The following TOM1L1 variants were observed in gnomAD, a reference collection of about 807,000 sequenced individuals.
The protein encoded by TOM1L1 is TOM1-like protein 1.
Under a neutral mutation model 63.4 loss-of-function variants are expected in TOM1L1, and 64 were observed. The ratio of observed to expected loss-of-function variants is 1.01; its 90% CI spans 0.83 to 1.24. The LOEUF is 1.24. Ranked by LOEUF, TOM1L1 falls within the 50% of genes most tolerant of loss-of-function variation. TOM1L1 has a pLI of 0.00. For synonymous variants in TOM1L1, 166 were observed against 194.4 expected (o/e 0.85, Z 1.22); for missense variants, 536 against 567.0 (o/e 0.95, Z 0.55).
chr17:54,961,162 C>A, intron 15 of TOM1L1, 73 bp from the exon 16 acceptor site: 1 of 1,064,924 alleles, frequency 9.4e-7, no homozygotes, highest in East Asian at 2.6e-5. Flanking sequence ...CCAGTAAAGA[C>A]AAGAGAGTTA....
chr17:54,945,407 G>C (rs1177177908), intron 11 of TOM1L1, among the ~76,000 whole-genome samples: 2 of 152,180 alleles, frequency 1.3e-5, no homozygotes, highest in East Asian at 3.8e-4. Flanking sequence ...GTGGTTTGTG[G>C]CTTTATGTCT....
chr17:54,914,610 A>G (rs2048556210), intron 5 of TOM1L1, 29 bp from the exon 6 acceptor site: 1 of 1,565,298 alleles, frequency 6.4e-7, no homozygotes. Flanking sequence ...TAATTCACAT[A>G]ATAATATTAC....
intron 14 of TOM1L1, chr17:54,958,352 AGT>A (rs556517857): frequency 1.3e-5 from 2 of 152,380 alleles, no homozygotes; most frequent in African/African-American, 4.8e-5. Context: ...CCCAAATTTC[AGT>A]GCATTTGAAA....
At chr17:54,908,815 A>G (rs1296778829) in intron 3 of TOM1L1, among the ~76,000 whole-genome samples, 1 of 152,252 alleles carries the variant, frequency 6.6e-6, no homozygotes, top group African/African-American at 2.4e-5. Context: ...GTGGTCGAAC[A>G]GGTTCCTGAG....
chr17:54,936,409 T>A (rs896344600), intron 8 of TOM1L1: 2 of 379,396 alleles, frequency 5.3e-6, no homozygotes, highest in Admixed American at 9.0e-5. Context: ...GTTAATAGAT[T>A]TAACAATTTC....
chr17:54,915,885 A>G (rs372476240), intron 7 of TOM1L1, 23 bp downstream of exon 7: 10 of 1,569,576 alleles, frequency 6.4e-6, no homozygotes, highest in Non-Finnish European at 8.8e-6. Flanking sequence ...TTCAGGGACT[A>G]TCAGTCAAAG....
chr17:54,904,026 A>G (rs1320787147), intron 2 of TOM1L1, among the ~76,000 whole-genome samples: 1 of 152,130 alleles, frequency 6.6e-6, no homozygotes, highest in Non-Finnish European at 1.5e-5. Flanking sequence ...CAGTTTCTTT[A>G]ATAGTTTCAA....
chr17:54,930,306 C>A, intron 8 of TOM1L1, 100 bp downstream of exon 8: 1 of 1,507,576 alleles, frequency 6.6e-7, no homozygotes, highest in Non-Finnish European at 9.1e-7. Flanking sequence ...ACCCCTCTTT[C>A]TAGATTCTCC....
chr17:54,907,398 A>G (rs1020672365), intron 3 of TOM1L1, among the ~76,000 whole-genome samples: 1 of 152,212 alleles, frequency 6.6e-6, no homozygotes, highest in African/African-American at 2.4e-5. Context: ...GAAAATGGCT[A>G]TTACATAGCA....
chr17:54,937,813 GCATT>G (rs531824052), intron 10 of TOM1L1: 2,945 of 132,838 alleles, frequency 0.022, 63 homozygotes, highest in East Asian at 0.15. Flanking sequence ...TTTATAAAAT[GCATT>G]GTAGCAAAGC....
intron 7 of TOM1L1, among the ~76,000 whole-genome samples, chr17:54,922,370 G>C (rs2048699005): frequency 6.6e-6 from 1 of 152,162 alleles, no homozygotes; most frequent in Non-Finnish European, 1.5e-5. Context: ...ACTCTGGGAA[G>C]CTGAGGCAGG....
rs2077118937 is a variant in TOM1L1, at chr17:54,961,301, CAGCTTTGA to C, written c.*72_*79del. ...AACTCTCTAAAACGTAGACTCTGTG[CAGCTTTGA>C]AGCCTGGAAGACAATACCTACCAAC... On this transcript the variant is annotated 3_prime_UTR_variant, in exon 16 of 16. Coordinates refer to ENST00000575882, the MANE Select transcript of TOM1L1 (RefSeq NM_005486.3). The C allele has an allele frequency of 6.4e-7, 1 of 1,551,550 alleles. No homozygotes were observed.
Position 54,945,683 on chromosome 17 carries a change from T to TA in TOM1L1, c.1131-1576dup, listed in dbSNP as rs397814718. On this transcript the variant is annotated intron_variant, in intron 11 of 15. Transcript: ENST00000575882. ...AGCTCATTCTGTTAAGTTTTTTTTT[T>TA]AATTCAGTTATTGTAGTTTTTAGTT... 2.7e-4 allele frequency among the ~76,000 whole-genome samples: 41 copies of TA among 152,238 alleles called. No individual in the cohort carries two copies. The South Asian group carries it at 8.5e-3, about 32-fold the overall frequency.
intron 7 of TOM1L1, among the ~76,000 whole-genome samples, chr17:54,925,989 C>A (rs2048763000): frequency 6.6e-6 from 1 of 152,102 alleles, no homozygotes; most frequent in African/African-American, 2.4e-5. Flanking sequence ...CTTCTAGTAA[C>A]TGTTCTGTTT....
At chr17:54,909,383 T>C (rs2048462283) in intron 3 of TOM1L1, among the ~76,000 whole-genome samples, 1 of 152,192 alleles carries the variant, frequency 6.6e-6, no homozygotes, top group Admixed American at 6.5e-5. Context: ...GTCACCTTGG[T>C]GTAGGCACTA....
intron 11 of TOM1L1, among the ~76,000 whole-genome samples, chr17:54,945,613 T>C (rs984751152): frequency 6.6e-6 from 1 of 152,230 alleles, no homozygotes. Flanking sequence ...TGATTTATGT[T>C]CAAGTTCACC....
intron 9 of TOM1L1, 146 bp from the exon 10 acceptor site, chr17:54,936,963 G>A: frequency 1.4e-6 from 1 of 731,228 alleles, no homozygotes; most frequent in Middle Eastern, 2.6e-4. Flanking sequence ...GGTAAGATGG[G>A]ATTCATACTA....
chr17:54,944,022 A>G (rs2049077035), intron 11 of TOM1L1, among the ~76,000 whole-genome samples: 1 of 151,810 alleles, frequency 6.6e-6, no homozygotes, highest in Admixed American at 6.6e-5. Context: ...AAGGAAGTAA[A>G]AACCTTATCA....
At chr17:54,940,076 A>G (rs924259542) in intron 11 of TOM1L1, among the ~76,000 whole-genome samples, 2 of 152,114 alleles carry the variant, frequency 1.3e-5, no homozygotes, top group Non-Finnish European at 2.9e-5. Context: ...TTGTGTTTTT[A>G]GTAGAGGTGA....
Sources: gnomAD v4.1 joint callset for allele counts (sites outside exome capture counted in the v4.1 genomes callset) on GRCh38, gnomAD v4.1.1 for gene constraint, MANE v1.5 for transcripts, NCBI Gene and HGNC (gene_info 2026-07-23, HGNC 2026-07-21) for gene names.